CREB5: variants seen among roughly 807,000 people sequenced by gnomAD.
CREB5 encodes cyclic AMP-responsive element-binding protein 5.
Under a neutral mutation model 57.1 loss-of-function variants are expected in CREB5, and 19 were observed. The observed-to-expected ratio is 0.33, with a 90% CI of 0.23 to 0.49. CREB5 has a LOEUF of 0.49. Among genes scored for constraint, CREB5 ranks in the 20% least tolerant of loss-of-function variants. The probability of loss-of-function intolerance (pLI) is 0.99; values close to 1 mark genes in which losing one functional copy is unlikely to be tolerated. For missense variants in CREB5, 579 were observed against 671.6 expected (o/e 0.86, Z 1.52); for synonymous variants, 238 against 238.3 (o/e 1.00, Z 0.01).
chr7:28,623,840 A>T (rs1203231875), intron 5 of CREB5, among the ~76,000 whole-genome samples: 4 of 152,230 alleles, frequency 2.6e-5, no homozygotes, highest in Non-Finnish European at 5.9e-5. Context: ...TTTGAATAAA[A>T]TAATGCATCA....
intron 1 of CREB5, among the ~76,000 whole-genome samples, chr7:28,368,452 G>T (rs1034487830): frequency 2.0e-5 from 3 of 152,184 alleles, no homozygotes; most frequent in Non-Finnish European, 1.5e-5. Context: ...GAAGTGCTCT[G>T]TGGTCTGGGC....
intron 1 of CREB5, among the ~76,000 whole-genome samples, chr7:28,362,328 C>G (rs932011219): frequency 6.6e-6 from 1 of 152,104 alleles, no homozygotes; most frequent in African/African-American, 2.4e-5. Context: ...GGTTGTTTCT[C>G]TGGACCTGAA....
chr7:28,790,446 GAGAGAGAGAGAGAGAT>G (rs57722017), intron 7 of CREB5, among the ~76,000 whole-genome samples: 61,297 of 137,572 alleles, frequency 0.45, 13,422 homozygotes, highest in Non-Finnish European at 0.48. Flanking sequence ...GAGAGAGAGA[GAGAGAGAGAGAGAGAT>G]AGAGAGAGAG....
chr7:28,670,638 T>C (rs925604560), intron 5 of CREB5, among the ~76,000 whole-genome samples: 9 of 152,158 alleles, frequency 5.9e-5, no homozygotes, highest in African/African-American at 2.2e-4. Context: ...TATGAGGAAA[T>C]TGTCTTAAGT....
At chr7:28,339,262 T>C (rs1440655464) in intron 1 of CREB5, among the ~76,000 whole-genome samples, 2 of 152,158 alleles carry the variant, frequency 1.3e-5, no homozygotes, top group Non-Finnish European at 1.5e-5. Flanking sequence ...GCCATCCTTC[T>C]TGAAAAGGCT....
At position 28,426,996 on chromosome 7, in the gene CREB5, G is replaced by A. The variant is rs867087863; in HGVS notation, c.3+14079G>A. Among the ~76,000 whole-genome samples, 4 of 152,210 alleles carry A rather than the reference G, an allele frequency of 2.6e-5. 1 individual carries two copies. Among genetic ancestry groups the A allele is most frequent in the Middle Eastern group, 6.8e-3 (2 of 294 alleles). ...ACCAGCCTGGTGAGTGTTCCTGGAG[G>A]ACCACCCTAGGAAGATTTTTTAGGT... On this transcript the variant is annotated intron_variant, in intron 1 of 10. Coordinates refer to ENST00000357727, the MANE Select transcript of CREB5 (RefSeq NM_182898.4).
intron 4 of CREB5, among the ~76,000 whole-genome samples, chr7:28,560,889 T>TGCGTGCGC (rs1310018316): frequency 5.5e-5 from 1 of 18,210 alleles, no homozygotes; most frequent in Non-Finnish European, 1.0e-4. Context: ...CGTGCGTGCG[T>TGCGTGCGC]GTGTGTGCGT....
At position 28,803,775 on chromosome 7, in the gene CREB5, A is replaced by T. The variant is rs1443115303; in HGVS notation, c.703-424A>T. ...CATCTCAAAAAAAAAAAAAAAAAAA[A>T]AAATTAAATACAGTAGCACACCAGA... On this transcript the variant is annotated intron_variant, in intron 7 of 10. Transcript: ENST00000357727. Among the ~76,000 whole-genome samples, 742 of 151,774 alleles carry T rather than the reference A, an allele frequency of 4.9e-3. 5 individuals are homozygous for T. Among genetic ancestry groups the T allele is most frequent in the African/African-American group, 0.017 (709 of 41,414 alleles).
intron 5 of CREB5, among the ~76,000 whole-genome samples, chr7:28,635,811 G>C (rs574213060): frequency 6.6e-5 from 10 of 152,272 alleles, no homozygotes; most frequent in African/African-American, 2.2e-4. Flanking sequence ...CCACATTTCA[G>C]ATTGGCATAT....
chr7:28,700,994 GAGTAA>G (rs555513964), intron 5 of CREB5, among the ~76,000 whole-genome samples: 296 of 151,040 alleles, frequency 2.0e-3, no homozygotes, highest in African/African-American at 6.9e-3. Context: ...CCAACCCTGT[GAGTAA>G]AGTAGACAGT....
chr7:28,400,849 A>G (rs1353733806), intron 1 of CREB5, among the ~76,000 whole-genome samples: 2 of 152,248 alleles, frequency 1.3e-5, no homozygotes, highest in Non-Finnish European at 2.9e-5. Context: ...ATGATGATAC[A>G]AAAAGAAGTG....
At chr7:28,763,851 G>A (rs1189182220) in intron 7 of CREB5, among the ~76,000 whole-genome samples, 1 of 151,508 alleles carries the variant, frequency 6.6e-6, no homozygotes, top group Admixed American at 6.6e-5. Context: ...ACCAAGGCTG[G>A]AGTACATGGC....
In CREB5 at chr7:28,329,207, A is replaced by G. The variant is rs180974602; in HGVS notation, c.-25+29766A>G. ...CTCACAGAAAGGGAACCACCATTCTATCTCATGGAACCATGACAATTGTCA... is the reference window on the plus strand; with the variant it reads ...CTCACAGAAAGGGAACCACCATTCTGTCTCATGGAACCATGACAATTGTCA... On this transcript the variant is annotated intron_variant, in intron 1 of 9. Coordinates refer to the CREB5 transcript ENST00000396299. Among the ~76,000 whole-genome samples, 16 of 152,346 alleles carry G rather than the reference A, an allele frequency of 1.1e-4. No individual in the cohort carries two copies. The East Asian group carries it at 2.3e-3, about 22-fold the overall frequency.
chr7:28,767,079 T>C (rs767745447), intron 7 of CREB5, among the ~76,000 whole-genome samples: 1 of 152,338 alleles, frequency 6.6e-6, no homozygotes, highest in Middle Eastern at 3.4e-3. Flanking sequence ...AACTGCATAC[T>C]AGGGGAAAAA....
At chr7:28,372,380 T>C (rs777580852) in intron 1 of CREB5, among the ~76,000 whole-genome samples, 2 of 152,184 alleles carry the variant, frequency 1.3e-5, no homozygotes, top group Non-Finnish European at 2.9e-5. Flanking sequence ...TTAAAATTAT[T>C]TATTCCTCAA....
At chr7:28,736,533 G>A (rs1362355183) in intron 7 of CREB5, among the ~76,000 whole-genome samples, 1 of 152,144 alleles carries the variant, frequency 6.6e-6, no homozygotes, top group Non-Finnish European at 1.5e-5. Context: ...CTCCTATGAG[G>A]TGGGTGTCCT....
chr7:28,695,926 C>T (rs761088531), intron 5 of CREB5, among the ~76,000 whole-genome samples: 1 of 142,134 alleles, frequency 7.0e-6, no homozygotes, highest in Non-Finnish European at 1.5e-5. Context: ...AAACTTGTCA[C>T]TTCATTATGA....
chr7:28,743,891 G>A (rs949024878), intron 7 of CREB5, among the ~76,000 whole-genome samples: 3 of 108,928 alleles, frequency 2.8e-5, no homozygotes, highest in Admixed American at 1.2e-4. Context: ...GGGTACATGT[G>A]CACATTGTGC....
chr7:28,468,563 C>A lies in CREB5; in HGVS notation c.4-19612C>A, dbSNP rs116076325. Among the ~76,000 whole-genome samples the A allele has an allele frequency of 4.3e-3, 653 of 152,252 alleles. 10 individuals are homozygous for A. Among genetic ancestry groups the A allele is most frequent in the African/African-American group, 0.014 (572 of 41,554 alleles). On this transcript the variant is annotated intron_variant, in intron 1 of 10. Transcript: ENST00000357727. Reference sequence around the variant, plus strand: ...GGCACCAGAGTGGGGGAAGGAGGTGCTAAGAATAATAGCATTTCTAGTTCT... The same window carrying A: ...GGCACCAGAGTGGGGGAAGGAGGTGATAAGAATAATAGCATTTCTAGTTCT...
Sources: gnomAD v4.1 joint callset for allele counts (sites outside exome capture counted in the v4.1 genomes callset) on GRCh38, gnomAD v4.1.1 for gene constraint, MANE v1.5 for transcripts, NCBI Gene and HGNC (gene_info 2026-07-23, HGNC 2026-07-21) for gene names.